Variants in KCNH8 observed in about 807,000 individuals in gnomAD.
KCNH8 encodes the protein voltage-gated delayed rectifier potassium channel KCNH8.
A neutral mutation model predicts 103.6 loss-of-function variants in KCNH8; 70 were observed. The ratio of observed to expected loss-of-function variants is 0.68; its 90% CI spans 0.56 to 0.82. The LOEUF is 0.82. KCNH8 is among the 40% of genes least tolerant of loss of function. The pLI is 0.00. For synonymous variants in KCNH8, 498 were observed against 489.4 expected, an observed-to-expected ratio of 1.02 and a Z score of -0.23; for missense variants, 1,217 against 1,329.9, an observed-to-expected ratio of 0.92 and a Z score of 1.32.
At chr3:19,316,934 G>A (rs375502284) in intron 3 of KCNH8, among the ~76,000 whole-genome samples, 1 of 151,930 alleles carries the variant, frequency 6.6e-6, no homozygotes, top group East Asian at 1.9e-4. Flanking sequence ...TGAATAGGCG[G>A]AATCTATTCA....
chr3:19,191,069 G>A (rs2063548800), intron 1 of KCNH8, among the ~76,000 whole-genome samples: 1 of 151,828 alleles, frequency 6.6e-6, no homozygotes, highest in Non-Finnish European at 1.5e-5. Flanking sequence ...CTTAATGTCA[G>A]TTTAAGATGA....
intron 1 of KCNH8, among the ~76,000 whole-genome samples, chr3:19,203,053 G>A (rs990458051): frequency 1.3e-5 from 2 of 152,110 alleles, no homozygotes; most frequent in Non-Finnish European, 2.9e-5. Context: ...CAATATATTT[G>A]TATTTTGAAT....
chr3:19,243,840 A>C (rs1465456464), intron 1 of KCNH8, among the ~76,000 whole-genome samples: 1 of 152,132 alleles, frequency 6.6e-6, no homozygotes, highest in African/African-American at 2.4e-5. Flanking sequence ...ATTAAATATA[A>C]TTGCAAGTAA....
At chr3:19,168,191 T>A (rs1021974943) in intron 1 of KCNH8, among the ~76,000 whole-genome samples, 18 of 151,820 alleles carry the variant, frequency 1.2e-4, no homozygotes, top group Non-Finnish European at 1.9e-4. Context: ...TTTGTTTGTT[T>A]GTTTGTTTGT....
chr3:19,389,490 C>T (rs1338212211), intron 5 of KCNH8, among the ~76,000 whole-genome samples: 1 of 152,084 alleles, frequency 6.6e-6, no homozygotes, highest in East Asian at 1.9e-4. Context: ...CAAGAAACTA[C>T]CAGTACTTTG....
intron 2 of KCNH8, among the ~76,000 whole-genome samples, chr3:19,255,032 T>C (rs2064329117): frequency 6.6e-6 from 1 of 152,104 alleles, no homozygotes; most frequent in Non-Finnish European, 1.5e-5. Context: ...TTTGAAAAGA[T>C]AATTAGTGTT....
chr3:19,485,284 G>C (rs867293949), intron 11 of KCNH8, among the ~76,000 whole-genome samples: 7 of 152,276 alleles, frequency 4.6e-5, no homozygotes, highest in African/African-American at 1.7e-4. Flanking sequence ...GTACACACAA[G>C]AACCAGCAAA....
At chr3:19,440,514 G>A (rs2067266946) in intron 8 of KCNH8, among the ~76,000 whole-genome samples, 1 of 152,106 alleles carries the variant, frequency 6.6e-6, no homozygotes, top group Non-Finnish European at 1.5e-5. Context: ...CACGTGCAGG[G>A]GAACTGCCCT....
chr3:19,224,662 T>A (rs968282998), intron 1 of KCNH8, among the ~76,000 whole-genome samples: 4 of 151,546 alleles, frequency 2.6e-5, no homozygotes, highest in African/African-American at 4.8e-5. Flanking sequence ...CACTTTGATC[T>A]CCCAAAGCAC....
chr3:19,160,512 G>A (rs1348981619), intron 1 of KCNH8, among the ~76,000 whole-genome samples: 2 of 152,158 alleles, frequency 1.3e-5, no homozygotes, highest in East Asian at 3.9e-4. Flanking sequence ...GTACATAGCA[G>A]CTACTAATCT....
chr3:19,384,109 T>C (rs1012167858), intron 5 of KCNH8, among the ~76,000 whole-genome samples: 4 of 152,176 alleles, frequency 2.6e-5, no homozygotes, highest in African/African-American at 4.8e-5. Context: ...ATAAAAGCAA[T>C]GCACAAGACC....
intron 1 of KCNH8, among the ~76,000 whole-genome samples, chr3:19,241,168 C>T (rs1043729023): frequency 1.8e-4 from 27 of 152,112 alleles, no homozygotes; most frequent in African/African-American, 5.3e-4. Context: ...CTCTTCTTTT[C>T]TTCCTTCCTT....
chr3:19,208,924 C>G (rs2063742570), intron 1 of KCNH8, among the ~76,000 whole-genome samples: 1 of 151,954 alleles, frequency 6.6e-6, no homozygotes, highest in African/African-American at 2.4e-5. Flanking sequence ...TTTCATATTT[C>G]TGGATCCCAG....
chr3:19,457,653 G>A (rs1265293286), intron 11 of KCNH8, among the ~76,000 whole-genome samples: 1 of 151,924 alleles, frequency 6.6e-6, no homozygotes, highest in Non-Finnish European at 1.5e-5. Context: ...ATTGTTGAAA[G>A]GCAAGCCAAG....
Position 19,174,624 on chromosome 3 carries a change from C to T in KCNH8, c.76+25829C>T, listed in dbSNP as rs920653780. ...CAAGTTTTTAGTGAGTTTATTTCTG[C>T]ATTGTGTCTGAAAACATGTTCTTTA... On this transcript the variant is annotated intron_variant, in intron 1 of 15. Transcript: ENST00000328405. 2.9e-4 allele frequency among the ~76,000 whole-genome samples: 44 copies of T among 152,100 alleles called. 1 individual carries two copies. Among genetic ancestry groups the T allele is most frequent in the African/African-American group, 1.1e-3 (44 of 41,428 alleles).
At chr3:19,321,978 GT>G (rs1193037939) in intron 3 of KCNH8, among the ~76,000 whole-genome samples, 1 of 151,518 alleles carries the variant, frequency 6.6e-6, no homozygotes, top group Non-Finnish European at 1.5e-5. Context: ...AAGTTTGTGG[GT>G]TTTTTTGTCT....
chr3:19,270,991 G>A (rs1184842497), intron 2 of KCNH8, among the ~76,000 whole-genome samples: 1 of 151,924 alleles, frequency 6.6e-6, no homozygotes, highest in Non-Finnish European at 1.5e-5. Context: ...TCTTAAAAAG[G>A]ACTTGGTCAA....
chr3:19,383,635 A>G (rs1263102117), intron 5 of KCNH8, among the ~76,000 whole-genome samples: 1 of 152,222 alleles, frequency 6.6e-6, no homozygotes, highest in Non-Finnish European at 1.5e-5. Context: ...GGCCTCTTAA[A>G]GAGCTGGGAT....
At chr3:19,434,736 C>T (rs1052942875) in intron 7 of KCNH8, among the ~76,000 whole-genome samples, 2 of 152,144 alleles carry the variant, frequency 1.3e-5, no homozygotes, top group Non-Finnish European at 2.9e-5. Context: ...TTTGACACTT[C>T]TTAATTACTG....
Sources: allele counts gnomAD v4.1 joint callset (sites outside exome capture counted in the v4.1 genomes callset), GRCh38; gene constraint gnomAD v4.1.1; transcripts MANE v1.5; gene names NCBI Gene and HGNC (gene_info 2026-07-23, HGNC 2026-07-21).